Variants in OCA2 observed in about 807,000 individuals in gnomAD.
The protein encoded by OCA2 is P protein.
OCA2 carries 77 observed loss-of-function variants against 100.2 expected under a neutral mutation model. The observed-to-expected ratio is 0.77, with a 90% CI of 0.64 to 0.93. The LOEUF is 0.93. Among genes scored for constraint, OCA2 ranks in the 40% least tolerant of loss-of-function variants. OCA2 has a pLI of 0.00. For missense variants in OCA2, 1,062 were observed against 1,089.1 expected, an observed-to-expected ratio of 0.98 and a Z score of 0.35; for synonymous variants, 432 against 439.2, an observed-to-expected ratio of 0.98 and a Z score of 0.21.
intron 23 of OCA2, among the ~76,000 whole-genome samples, chr15:27,837,264 C>T (rs1380816917): frequency 2.0e-5 from 3 of 152,172 alleles, no homozygotes; most frequent in African/African-American, 7.2e-5. Flanking sequence ...GCAGAAAGAA[C>T]GAGTTCTGGA....
At chr15:27,924,176 A>G (rs2594923) in intron 19 of OCA2, among the ~76,000 whole-genome samples, 97,326 of 151,904 alleles carry the variant, frequency 0.64, 31,773 homozygotes, top group East Asian at 0.96. Context: ...ATAGGTGTAC[A>G]GCCTTATTTC....
At chr15:27,951,916 A>C in intron 17 of OCA2, 24 bp from the exon 18 acceptor site, 143 of 1,500,980 alleles carry the variant, frequency 9.5e-5, no homozygotes, top group Non-Finnish European at 1.3e-4. Context: ...ACCACAGCTC[A>C]TTTACTCTGC....
chr15:27,824,605 T>TATATATATATATATATAC (rs2034640637), intron 23 of OCA2, among the ~76,000 whole-genome samples: 1 of 115,930 alleles, frequency 8.6e-6, no homozygotes, highest in African/African-American at 3.6e-5. Context: ...TCTCTCTCTA[T>TATATATATATATATATAC]ATATATATAT....
At chr15:28,033,534 AGTCT>A (rs1340810786) in intron 2 of OCA2, among the ~76,000 whole-genome samples, 1 of 152,168 alleles carries the variant, frequency 6.6e-6, no homozygotes, top group Non-Finnish European at 1.5e-5. Context: ...TCAGAAAAGG[AGTCT>A]GTCTGGGGCC....
chr15:27,745,205 T>C, the OCA2 span, among the ~76,000 whole-genome samples: 1 of 152,110 alleles, frequency 6.6e-6, no homozygotes, highest in Non-Finnish European at 1.5e-5. Context: ...GTCGGGCATT[T>C]CCAAAAGTAA....
At chr15:27,884,488 C>T (rs918568593) in intron 19 of OCA2, among the ~76,000 whole-genome samples, 2 of 152,192 alleles carry the variant, frequency 1.3e-5, no homozygotes, top group African/African-American at 4.8e-5. Context: ...TGCAAGGCAG[C>T]ACTTCCTTAA....
chr15:28,014,467 T>C (rs2042326235), intron 9 of OCA2, among the ~76,000 whole-genome samples: 1 of 152,210 alleles, frequency 6.6e-6, no homozygotes, highest in African/African-American at 2.4e-5. Flanking sequence ...CTGTGACTCT[T>C]GTTCCCTCAA....
At chr15:28,048,992 AC>A (rs1176842237) in intron 2 of OCA2, among the ~76,000 whole-genome samples, 1 of 152,196 alleles carries the variant, frequency 6.6e-6, no homozygotes, top group East Asian at 1.9e-4. Context: ...ACAGAGCAAC[AC>A]CCTGTCTCAA....
intron 12 of OCA2, among the ~76,000 whole-genome samples, chr15:27,985,652 C>T (rs552761083): frequency 1.3e-5 from 2 of 151,986 alleles, no homozygotes; most frequent in Admixed American, 6.6e-5. Flanking sequence ...AAAATCACAG[C>T]ACAGTTCCAT....
At chr15:27,808,444 T>C (rs1308239916) in intron 23 of OCA2, among the ~76,000 whole-genome samples, 1 of 152,182 alleles carries the variant, frequency 6.6e-6, no homozygotes, top group Non-Finnish European at 1.5e-5. Flanking sequence ...CACTTTCTTA[T>C]AAAGAGAAAC....
chr15:27,741,978 G>C, the OCA2 span, among the ~76,000 whole-genome samples: 1 of 150,798 alleles, frequency 6.6e-6, no homozygotes, highest in African/African-American at 2.5e-5. Context: ...TGGACATTTA[G>C]ACAAGGATTT....
intron 16 of OCA2, among the ~76,000 whole-genome samples, chr15:27,956,845 A>G (rs1343183735): frequency 6.6e-6 from 1 of 152,202 alleles, no homozygotes; most frequent in Non-Finnish European, 1.5e-5. Context: ...ACCTTGAGAC[A>G]CCCATGCAGG....
At chr15:27,996,572 G>A (rs968536555) in intron 9 of OCA2, among the ~76,000 whole-genome samples, 6 of 143,082 alleles carry the variant, frequency 4.2e-5, no homozygotes, top group African/African-American at 1.5e-4. Flanking sequence ...CAAAATTGAT[G>A]GAACTTTATC....
At chr15:27,774,042 C>T (rs1293143372) in intron 23 of OCA2, among the ~76,000 whole-genome samples, 2 of 152,012 alleles carry the variant, frequency 1.3e-5, no homozygotes, top group African/African-American at 4.8e-5. Flanking sequence ...TTTTTCTATT[C>T]AGGTATATTT....
At chr15:28,097,885 C>A (rs2045015810) in intron 1 of OCA2, among the ~76,000 whole-genome samples, 1 of 152,180 alleles carries the variant, frequency 6.6e-6, no homozygotes, top group South Asian at 2.1e-4. Context: ...CTGCTCCCAA[C>A]CCCCCAGCCA....
intron 11 of OCA2, among the ~76,000 whole-genome samples, chr15:27,989,349 G>A (rs1175876930): frequency 6.6e-6 from 1 of 152,092 alleles, no homozygotes; most frequent in Admixed American, 6.5e-5. Context: ...TAACTCAAAA[G>A]AATTGCTAGC....
At chr15:27,726,297 CAAAAAATA>C in the OCA2 span, among the ~76,000 whole-genome samples, 1 of 122,694 alleles carries the variant, frequency 8.2e-6, no homozygotes, top group African/African-American at 2.9e-5. Context: ...GACTCCAGCT[CAAAAAATA>C]AATAAATAAA....
downstream of OCA2, among the ~76,000 whole-genome samples, chr15:27,752,169 C>T (rs1276904089): frequency 6.6e-6 from 1 of 152,192 alleles, no homozygotes; most frequent in East Asian, 1.9e-4. Flanking sequence ...CTGCAGCACA[C>T]AGACCCTTCA....
the OCA2 span, among the ~76,000 whole-genome samples, chr15:27,725,071 G>A: frequency 6.6e-6 from 1 of 152,206 alleles, no homozygotes; most frequent in Non-Finnish European, 1.5e-5. Flanking sequence ...AGGAAAGGGA[G>A]AACAGTCCAA....
Sources: gnomAD v4.1 joint callset for allele counts (sites outside exome capture counted in the v4.1 genomes callset) on GRCh38, gnomAD v4.1.1 for gene constraint, MANE v1.5 for transcripts, NCBI Gene and HGNC (gene_info 2026-07-23, HGNC 2026-07-21) for gene names.